The following PHF21A variants were observed in gnomAD, a reference collection of about 807,000 sequenced individuals.
PHF21A encodes PHD finger protein 21A.
A neutral mutation model predicts 82.5 loss-of-function variants in PHF21A; 11 were observed. The observed-to-expected ratio is 0.13, with a 90% CI of 0.08 to 0.22. The LOEUF (loss-of-function observed/expected upper bound fraction) is 0.22. Ranked by LOEUF, PHF21A falls within the 10% of genes least tolerant of loss-of-function variation. The pLI is 1.00. For synonymous variants in PHF21A, 297 were observed against 302.8 expected (o/e 0.98, Z 0.20); for missense variants, 579 against 837.8 (o/e 0.69, Z 3.81).
At chr11:46,118,848 A>G (rs1593501797) in intron 1 of PHF21A, 1 of 152,250 alleles carries the variant, frequency 6.6e-6, no homozygotes, top group Non-Finnish European at 1.5e-5. Flanking sequence ...GGAGGGGGCC[A>G]GTCTTCAAAG....
intron 4 of PHF21A, among the ~76,000 whole-genome samples, chr11:46,082,339 T>C (rs1214705225): frequency 6.6e-6 from 1 of 152,206 alleles, no homozygotes; most frequent in Non-Finnish European, 1.5e-5. Flanking sequence ...GGCTTTGGTC[T>C]CAGCCTAGTA....
At chr11:46,008,275 T>A (rs11038743) in intron 6 of PHF21A, among the ~76,000 whole-genome samples, 25,053 of 152,216 alleles carry the variant, frequency 0.16, 2,322 homozygotes, top group Non-Finnish European at 0.21. Flanking sequence ...AGGTCTTCAA[T>A]TGAAATTTTC....
At chr11:46,111,499 T>TAAAA (rs2097213779) in intron 1 of PHF21A, among the ~76,000 whole-genome samples, 1 of 151,760 alleles carries the variant, frequency 6.6e-6, no homozygotes, top group Admixed American at 6.6e-5. Flanking sequence ...AATAAATAAA[T>TAAAA]AAAACTAAAG....
chr11:46,086,562 A>T (rs2096859882), intron 3 of PHF21A, among the ~76,000 whole-genome samples: 1 of 152,260 alleles, frequency 6.6e-6, no homozygotes, highest in South Asian at 2.1e-4. Flanking sequence ...CAGCCACTTT[A>T]ATTTTAAATA....
chr11:46,087,271 G>A (rs1170846138), intron 3 of PHF21A, among the ~76,000 whole-genome samples: 2 of 152,188 alleles, frequency 1.3e-5, no homozygotes, highest in Non-Finnish European at 2.9e-5. Context: ...AAAAGAAAAA[G>A]TTAAAACCAG....
chr11:46,078,789 G>C (rs1205750901), intron 5 of PHF21A, among the ~76,000 whole-genome samples: 1 of 151,872 alleles, frequency 6.6e-6, no homozygotes, highest in African/African-American at 2.4e-5. Flanking sequence ...CATAATATTG[G>C]GATGACAGAA....
intron 9 of PHF21A, among the ~76,000 whole-genome samples, 193 bp from the exon 10 acceptor site, chr11:45,965,801 C>T (rs547972425): frequency 2.0e-5 from 3 of 152,246 alleles, no homozygotes; most frequent in African/African-American, 7.2e-5. Flanking sequence ...CCAAACCTCA[C>T]CCTAGAACAT....
intron 6 of PHF21A, among the ~76,000 whole-genome samples, chr11:46,022,858 C>T (rs2095658420): frequency 1.3e-5 from 2 of 152,120 alleles, no homozygotes; most frequent in African/African-American, 2.4e-5. Flanking sequence ...TCTTGGCTCA[C>T]TGCAACCTCC....
chr11:45,997,911 G>A (rs2094965053), intron 6 of PHF21A, among the ~76,000 whole-genome samples: 1 of 152,088 alleles, frequency 6.6e-6, no homozygotes, highest in African/African-American at 2.4e-5. Context: ...TTATTCTACT[G>A]CTCTTGTATA....
At chr11:45,955,418 C>A (rs1052597252) in intron 10 of PHF21A, among the ~76,000 whole-genome samples, 5 of 152,138 alleles carry the variant, frequency 3.3e-5, no homozygotes, top group Non-Finnish European at 7.4e-5. Context: ...ATTTTCATGT[C>A]TCTTTGAATA....
intron 12 of PHF21A, 94 bp from the exon 13 acceptor site, chr11:45,949,575 A>G: frequency 9.6e-7 from 1 of 1,040,478 alleles, no homozygotes; most frequent in Non-Finnish European, 1.5e-6. Context: ...CCCATAAGAA[A>G]TCAGAATCAG....
At chr11:45,952,577 AC>A (rs775085567) in intron 11 of PHF21A, among the ~76,000 whole-genome samples, 8 of 152,224 alleles carry the variant, frequency 5.3e-5, no homozygotes, top group Non-Finnish European at 1.2e-4. Flanking sequence ...TGTGACTAGT[AC>A]TTCTTTTTGG....
intron 4 of PHF21A, among the ~76,000 whole-genome samples, chr11:46,080,640 A>G (rs2096779877): frequency 6.6e-6 from 1 of 152,090 alleles, no homozygotes; most frequent in Non-Finnish European, 1.5e-5. Context: ...TCAAGTAGTC[A>G]GCCAGCACAT....
intron 6 of PHF21A, among the ~76,000 whole-genome samples, chr11:46,004,272 G>T (rs893612252): frequency 6.6e-6 from 1 of 152,126 alleles, no homozygotes; most frequent in Non-Finnish European, 1.5e-5. Context: ...ATGCAAAAGA[G>T]CTCTTAACAG....
intron 14 of PHF21A, among the ~76,000 whole-genome samples, chr11:45,947,231 T>TA (rs1476815366): frequency 6.6e-6 from 1 of 152,090 alleles, no homozygotes; most frequent in Non-Finnish European, 1.5e-5. Flanking sequence ...ACCACATATC[T>TA]AAGTCAGGGC....
intron 6 of PHF21A, among the ~76,000 whole-genome samples, chr11:46,028,226 T>C (rs2095791270): frequency 1.3e-5 from 2 of 152,298 alleles, no homozygotes; most frequent in Non-Finnish European, 2.9e-5. Flanking sequence ...GATGCAAAAT[T>C]ATTTCAATTT....
intron 1 of PHF21A, among the ~76,000 whole-genome samples, chr11:46,110,212 T>C (rs1400251024): frequency 1.3e-5 from 2 of 152,192 alleles, no homozygotes; most frequent in African/African-American, 4.8e-5. Flanking sequence ...AATATCATAG[T>C]GAAGCAGGCC....
At chr11:46,009,085 C>T (rs1485139145) in intron 6 of PHF21A, among the ~76,000 whole-genome samples, 3 of 151,586 alleles carry the variant, frequency 2.0e-5, no homozygotes, top group Non-Finnish European at 4.4e-5. Flanking sequence ...AGCGATTCTC[C>T]TGCCTCAGCC....
chr11:45,955,731 T>C (rs961882445), intron 10 of PHF21A, among the ~76,000 whole-genome samples: 1 of 152,324 alleles, frequency 6.6e-6, no homozygotes, highest in African/African-American at 2.4e-5. Flanking sequence ...ACATTGGTGG[T>C]GGTGGAGGGT....
Sources: allele counts gnomAD v4.1 joint callset (sites outside exome capture counted in the v4.1 genomes callset), GRCh38; gene constraint gnomAD v4.1.1; transcripts MANE v1.5; gene names NCBI Gene and HGNC (gene_info 2026-07-23, HGNC 2026-07-21).